The following CDH8 variants were observed in gnomAD, a reference collection of about 807,000 sequenced individuals.
The protein encoded by CDH8 is cadherin 8, also known as cadherin-8.
A neutral mutation model predicts 68.1 loss-of-function variants in CDH8; 17 were observed. The observed-to-expected ratio is 0.25, with a 90% CI of 0.17 to 0.37. The LOEUF is 0.37. Ranked by LOEUF, CDH8 falls within the 10% of genes least tolerant of loss-of-function variation. The pLI is 1.00. For synonymous variants in CDH8, 372 were observed against 365.1 expected (o/e 1.02, Z -0.21); for missense variants, 763 against 999.3 (o/e 0.76, Z 3.19).
At chr16:61,876,058 G>A (rs1044785704) in intron 3 of CDH8, among the ~76,000 whole-genome samples, 1 of 152,032 alleles carries the variant, frequency 6.6e-6, no homozygotes, top group Non-Finnish European at 1.5e-5. Flanking sequence ...TGTATTTTTA[G>A]TAGAGACAGG....
intron 2 of CDH8, among the ~76,000 whole-genome samples, chr16:62,001,071 T>C (rs1385849610): frequency 6.6e-6 from 1 of 152,132 alleles, no homozygotes; most frequent in Non-Finnish European, 1.5e-5. Context: ...TAGAAAATAT[T>C]TGGGACTCAT....
At position 61,964,850 on chromosome 16, in the gene CDH8, T is replaced by C. The variant is rs760532374; in HGVS notation, c.252+56302A>G. Among the ~76,000 whole-genome samples the C allele has an allele frequency of 8.5e-5, 13 of 152,308 alleles. 1 individual carries two copies. In the Middle Eastern group the frequency reaches 0.02, roughly 239 times the overall value. ...TAGATTGATTTTTTTAAATGTGAAT[T>C]TGATTATGTCTTTTTGTGTTTAAAA... On this transcript the variant is annotated intron_variant, in intron 2 of 11. Coordinates refer to ENST00000577390, the MANE Select transcript of CDH8 (RefSeq NM_001796.5).
chr16:61,966,498 A>G (rs1315716388), intron 2 of CDH8, among the ~76,000 whole-genome samples: 3 of 152,112 alleles, frequency 2.0e-5, no homozygotes, highest in Admixed American at 6.5e-5. Flanking sequence ...AGATCGTGCC[A>G]CTGCCCTCCA....
At chr16:62,013,261 CAAAAAA>C (rs1165564723) in intron 2 of CDH8, among the ~76,000 whole-genome samples, 3 of 6,408 alleles carry the variant, frequency 4.7e-4, no homozygotes, top group African/African-American at 1.5e-3. Context: ...GACTCCGTCT[CAAAAAA>C]AAAAAAAAAA....
intron 10 of CDH8, among the ~76,000 whole-genome samples, chr16:61,680,601 T>C (rs1213518165): frequency 6.6e-6 from 1 of 151,678 alleles, no homozygotes; most frequent in Non-Finnish European, 1.5e-5. Context: ...TAAATCTGCA[T>C]AACATCACTT....
chr16:61,752,921 C>A (rs17248982), intron 8 of CDH8, among the ~76,000 whole-genome samples: 23,404 of 152,136 alleles, frequency 0.15, 1,903 homozygotes, highest in Middle Eastern at 0.24. Flanking sequence ...TTACTTACAG[C>A]AACATAGACA....
chr16:61,763,523 G>A (rs189301099), intron 8 of CDH8, among the ~76,000 whole-genome samples: 25 of 152,202 alleles, frequency 1.6e-4, no homozygotes, highest in East Asian at 1.6e-3. Flanking sequence ...ATACTGTTGG[G>A]AGCTAGAGTT....
intron 2 of CDH8, among the ~76,000 whole-genome samples, chr16:61,912,353 C>G (rs539076786): frequency 5.9e-5 from 9 of 152,082 alleles, no homozygotes; most frequent in Non-Finnish European, 1.2e-4. Flanking sequence ...CTTACTCCTA[C>G]TTCTTGAGCA....
chr16:61,811,997 A>C (rs935206482), intron 7 of CDH8, among the ~76,000 whole-genome samples: 1 of 152,110 alleles, frequency 6.6e-6, no homozygotes, highest in Non-Finnish European at 1.5e-5. Context: ...ATTGTTAATA[A>C]TACTATATTG....
At chr16:61,843,354 G>C (rs954430835) in intron 4 of CDH8, among the ~76,000 whole-genome samples, 3 of 152,198 alleles carry the variant, frequency 2.0e-5, no homozygotes, top group African/African-American at 7.2e-5. Context: ...AAGTAGCTGA[G>C]TGAAAATCAT....
intron 4 of CDH8, among the ~76,000 whole-genome samples, chr16:61,830,478 A>G (rs1427707230): frequency 6.6e-6 from 1 of 151,838 alleles, no homozygotes; most frequent in Non-Finnish European, 1.5e-5. Flanking sequence ...CTGACTCGCT[A>G]TTTGCCAGAA....
At chr16:61,753,575 A>G (rs1373451924) in intron 8 of CDH8, among the ~76,000 whole-genome samples, 1 of 152,194 alleles carries the variant, frequency 6.6e-6, no homozygotes, top group Admixed American at 6.6e-5. Context: ...TAAGTATTCC[A>G]AAGAAATAAT....
intron 2 of CDH8, among the ~76,000 whole-genome samples, chr16:61,917,358 T>C (rs1180325660): frequency 1.3e-5 from 2 of 152,074 alleles, no homozygotes; most frequent in Non-Finnish European, 2.9e-5. Context: ...TGCAACATCC[T>C]GAGATATGGA....
At chr16:61,782,500 C>T (rs1476756903) in intron 8 of CDH8, among the ~76,000 whole-genome samples, 2 of 152,030 alleles carry the variant, frequency 1.3e-5, no homozygotes, top group Non-Finnish European at 1.5e-5. Context: ...AAGGCAGCAG[C>T]GAGGCTGGGG....
intron 8 of CDH8, among the ~76,000 whole-genome samples, chr16:61,752,685 G>A (rs774814699): frequency 2.1e-4 from 32 of 152,204 alleles, no homozygotes; most frequent in Non-Finnish European, 2.2e-4. Context: ...TAAAAACCCT[G>A]CAATTACATG....
intron 3 of CDH8, among the ~76,000 whole-genome samples, chr16:61,865,024 C>T (rs189886238): frequency 0.012 from 1,903 of 152,282 alleles, 23 homozygotes; most frequent in Non-Finnish European, 0.019. Flanking sequence ...AGTTCCCTAT[C>T]TTTCTTTTTT....
At chr16:61,738,475 G>A (rs967573938) in intron 8 of CDH8, among the ~76,000 whole-genome samples, 6 of 152,084 alleles carry the variant, frequency 3.9e-5, no homozygotes, top group African/African-American at 1.2e-4. Flanking sequence ...GCACATTTAC[G>A]GTTGTAAAAT....
intron 2 of CDH8, among the ~76,000 whole-genome samples, chr16:61,997,543 T>G (rs1410488923): frequency 6.6e-6 from 1 of 152,160 alleles, no homozygotes; most frequent in Non-Finnish European, 1.5e-5. Context: ...ATGCTAAAAC[T>G]ATTGGATGAA....
chr16:61,760,026 C>A (rs1182710807), intron 8 of CDH8, among the ~76,000 whole-genome samples: 1 of 151,932 alleles, frequency 6.6e-6, no homozygotes, highest in African/African-American at 2.4e-5. Context: ...CCAACACACC[C>A]CCCACCCCAA....
Sources: gnomAD v4.1 joint callset for allele counts (sites outside exome capture counted in the v4.1 genomes callset) on GRCh38, gnomAD v4.1.1 for gene constraint, MANE v1.5 for transcripts, NCBI Gene and HGNC (gene_info 2026-07-23, HGNC 2026-07-21) for gene names.